The following SAMD12 variants were observed in gnomAD, a reference collection of about 807,000 sequenced individuals.
The protein encoded by SAMD12 is sterile alpha motif domain-containing protein 12.
A neutral mutation model predicts 15.0 loss-of-function variants in SAMD12; 9 were observed. The ratio of observed to expected loss-of-function variants is 0.60; its 90% CI spans 0.36 to 1.05. SAMD12 has a LOEUF of 1.05. SAMD12 is among the 50% of genes least tolerant of loss of function. The pLI, the probability that SAMD12 is intolerant of heterozygous loss-of-function variation, is 0.01. For missense variants in SAMD12, 230 were observed against 234.2 expected (o/e 0.98, Z 0.12); for synonymous variants, 86 against 90.1 (o/e 0.96, Z 0.25).
chr8:118,189,058 G>C (rs1275697247), downstream of SAMD12, among the ~76,000 whole-genome samples: 2 of 152,146 alleles, frequency 1.3e-5, no homozygotes, highest in Non-Finnish European at 2.9e-5. Flanking sequence ...TCTGGGGTGA[G>C]AGGAAATCGG....
intron 4 of SAMD12, among the ~76,000 whole-genome samples, chr8:118,311,731 C>T (rs1299722514): frequency 1.3e-5 from 2 of 152,126 alleles, no homozygotes; most frequent in African/African-American, 4.8e-5. Flanking sequence ...TGCAGCACAC[C>T]CATCCTTCTC....
chr8:118,364,877 C>A (rs1818690217), intron 4 of SAMD12, among the ~76,000 whole-genome samples: 1 of 152,060 alleles, frequency 6.6e-6, no homozygotes, highest in African/African-American at 2.4e-5. Flanking sequence ...ACTTCCTCAT[C>A]CTCATTTGCC....
At chr8:118,554,643 T>A (rs960034491) in intron 2 of SAMD12, among the ~76,000 whole-genome samples, 3 of 151,932 alleles carry the variant, frequency 2.0e-5, no homozygotes, top group Non-Finnish European at 4.4e-5. Context: ...AACCTGCACA[T>A]TGTGCACATG....
chr8:118,248,505 T>C (rs1341464407), intron 4 of SAMD12, among the ~76,000 whole-genome samples: 1 of 152,130 alleles, frequency 6.6e-6, no homozygotes, highest in African/African-American at 2.4e-5. Flanking sequence ...CTCAGATTGA[T>C]GTCTGATGTC....
At chr8:118,341,318 T>C (rs1415098750) in intron 4 of SAMD12, among the ~76,000 whole-genome samples, 1 of 152,134 alleles carries the variant, frequency 6.6e-6, no homozygotes, top group Non-Finnish European at 1.5e-5. Flanking sequence ...ATTTCACTGA[T>C]AAGAGCAGTC....
intron 2 of SAMD12, among the ~76,000 whole-genome samples, chr8:118,450,604 A>C (rs1450157450): frequency 6.6e-6 from 1 of 152,244 alleles, no homozygotes; most frequent in Admixed American, 6.5e-5. Context: ...GATCATCATC[A>C]TCATGTCATT....
intron 4 of SAMD12, among the ~76,000 whole-genome samples, chr8:118,289,501 C>T (rs2130239018): frequency 6.6e-6 from 1 of 152,266 alleles, no homozygotes; most frequent in Non-Finnish European, 1.5e-5. Context: ...TTCAGCAAAC[C>T]CACATTCTCC....
At chr8:118,384,543 G>A (rs769744382) in intron 3 of SAMD12, among the ~76,000 whole-genome samples, 3 of 152,066 alleles carry the variant, frequency 2.0e-5, no homozygotes, top group Non-Finnish European at 4.4e-5. Flanking sequence ...GGGGTCTGAG[G>A]GAAAGACAGA....
chr8:118,349,831 A>G (rs926448838), intron 4 of SAMD12, among the ~76,000 whole-genome samples: 1 of 152,192 alleles, frequency 6.6e-6, no homozygotes, highest in African/African-American at 2.4e-5. Context: ...TTTGTGGATA[A>G]TAACAAGAGC....
intron 4 of SAMD12, among the ~76,000 whole-genome samples, chr8:118,286,195 A>G (rs1033457391): frequency 2.0e-5 from 3 of 151,808 alleles, no homozygotes; most frequent in Non-Finnish European, 4.4e-5. Flanking sequence ...GAGGGATAGC[A>G]TTAGGAGATA....
chr8:118,466,452 T>C (rs1028987406), intron 2 of SAMD12, among the ~76,000 whole-genome samples: 1 of 152,226 alleles, frequency 6.6e-6, no homozygotes. Context: ...TCATTTTACA[T>C]AGGAGAAAAC....
chr8:118,475,559 T>C (rs995143724), intron 2 of SAMD12, among the ~76,000 whole-genome samples: 21 of 152,192 alleles, frequency 1.4e-4, no homozygotes, highest in African/African-American at 4.8e-4. Context: ...CTTAAGAAGA[T>C]TGACTGGATC....
intron 2 of SAMD12, 152 bp from the exon 3 acceptor site, chr8:118,440,113 C>G (rs1822696345): frequency 1.5e-6 from 1 of 662,944 alleles, no homozygotes; most frequent in South Asian, 2.4e-5. Context: ...TGTAGACCTT[C>G]TCAATACTGC....
intron 4 of SAMD12, among the ~76,000 whole-genome samples, chr8:118,330,858 G>C (rs1816774855): frequency 6.6e-6 from 1 of 152,030 alleles, no homozygotes; most frequent in African/African-American, 2.4e-5. Context: ...TACCTATCGG[G>C]TACAATGTTC....
chr8:118,300,032 C>CT (rs66517737), intron 4 of SAMD12, among the ~76,000 whole-genome samples: 9,167 of 151,668 alleles, frequency 0.06, 813 homozygotes, highest in African/African-American at 0.19. Flanking sequence ...TTTTTCTTTA[C>CT]TTTTTTTTAA....
At chr8:118,189,424 G>T (rs1484861303), downstream of SAMD12, 1 of 152,084 alleles carries the variant, frequency 6.6e-6, no homozygotes, top group African/African-American at 2.4e-5. Context: ...TTTTTTTCAA[G>T]GATATATGTT....
At position 118,601,377 on chromosome 8, in the gene SAMD12, T is replaced by C. The variant is rs534734368; in HGVS notation, c.13+20427A>G. 6.6e-5 allele frequency among the ~76,000 whole-genome samples: 10 copies of C among 152,382 alleles called. No individual in the cohort carries two copies. The East Asian group carries it at 1.2e-3, about 18-fold the overall frequency. On this transcript the variant is annotated intron_variant, in intron 1 of 3. Transcript: ENST00000314727. ...TATGCTTTTAGGTCTAAATATATGA[T>C]GTAGCTTAAAACAATAAATTATTTT... is the stretch of plus-strand genomic sequence containing the variant.
chr8:118,604,647 C>A (rs927316168), intron 1 of SAMD12, among the ~76,000 whole-genome samples: 4 of 152,260 alleles, frequency 2.6e-5, no homozygotes, highest in African/African-American at 7.2e-5. Flanking sequence ...GTCTGCCGGG[C>A]GCGGTGGCTC....
chr8:118,598,181 C>T (rs1306983104), intron 1 of SAMD12, among the ~76,000 whole-genome samples: 1 of 152,176 alleles, frequency 6.6e-6, no homozygotes, highest in African/African-American at 2.4e-5. Flanking sequence ...ATCCGAGAAT[C>T]AAAGAAGCCA....
Sources: gnomAD v4.1 joint callset for allele counts (sites outside exome capture counted in the v4.1 genomes callset) on GRCh38, gnomAD v4.1.1 for gene constraint, MANE v1.5 for transcripts, NCBI Gene and HGNC (gene_info 2026-07-23, HGNC 2026-07-21) for gene names.